KLF8: variants seen among roughly 807,000 people sequenced by gnomAD.
KLF8 encodes KLF transcription factor 8.
In KLF8, 10 loss-of-function variants were observed where a neutral mutation model predicts 18.2. That is an observed-to-expected ratio of 0.55 (90% CI 0.34 to 0.93). KLF8 has a LOEUF of 0.93. Ranked by LOEUF, KLF8 falls within the 40% of genes least tolerant of loss-of-function variation. The probability of loss-of-function intolerance (pLI) is 0.02; values close to 1 mark genes in which losing one functional copy is unlikely to be tolerated. For missense variants in KLF8, 264 were observed against 277.9 expected (o/e 0.95, Z 0.36); for synonymous variants, 109 against 97.3 (o/e 1.12, Z -0.71).
chrX:56,095,226 A>G, the KLF8 span, among the ~76,000 whole-genome samples: 1 of 112,345 alleles, frequency 8.9e-6, no homozygotes. Context: ...TGGGGAATGT[A>G]CACCCTATTC....
chrX:55,933,541 T>C, the KLF8 span, among the ~76,000 whole-genome samples: 1 of 112,549 alleles, frequency 8.9e-6, no homozygotes, highest in Non-Finnish European at 1.9e-5. Flanking sequence ...TCATGATCCA[T>C]TGACCTTATA....
At chrX:56,156,935 G>A in the KLF8 span, among the ~76,000 whole-genome samples, 1 of 109,429 alleles carries the variant, frequency 9.1e-6, no homozygotes, top group Non-Finnish European at 1.9e-5. Flanking sequence ...ACATGCTCAT[G>A]TATGTTTATT....
chrX:56,034,748 CTTTTTTTTTTTTTTTT>C, the KLF8 span, among the ~76,000 whole-genome samples: 3 of 53,819 alleles, frequency 5.6e-5, no homozygotes, highest in Non-Finnish European at 9.3e-5. Context: ...GAACTTATTT[CTTTTTTTTTTTTTTTT>C]TTTTTTTTTG....
chrX:56,064,633 TGTAGTG>T, the KLF8 span, among the ~76,000 whole-genome samples: 19 of 111,858 alleles, frequency 1.7e-4, no homozygotes, highest in Admixed American at 1.7e-3. Context: ...GGTGATTTTC[TGTAGTG>T]GTACCATTTC....
At chrX:56,063,026 A>G in the KLF8 span, among the ~76,000 whole-genome samples, 2 of 110,913 alleles carry the variant, frequency 1.8e-5, no homozygotes, top group African/African-American at 3.3e-5. Context: ...GGTCAGTTAT[A>G]TTCTTCTCTA....
the KLF8 span, among the ~76,000 whole-genome samples, chrX:55,977,087 T>G: frequency 8.9e-6 from 1 of 112,299 alleles, no homozygotes; most frequent in East Asian, 2.8e-4. Context: ...CTTTTTACTT[T>G]ATGATTTTGA....
At chrX:55,929,994 T>C in the KLF8 span, among the ~76,000 whole-genome samples, 9,419 of 110,582 alleles carry the variant, frequency 0.085, 990 homozygotes, top group African/African-American at 0.3. Context: ...TTTCACGATA[T>C]TGATTCTTCC....
the KLF8 span, among the ~76,000 whole-genome samples, chrX:55,952,195 G>T: frequency 8.9e-5 from 10 of 112,244 alleles, no homozygotes; most frequent in South Asian, 3.7e-3. Flanking sequence ...GTGAGGAGGT[G>T]ACTGGAGACC....
the KLF8 span, among the ~76,000 whole-genome samples, chrX:56,123,239 T>G: frequency 1.7e-4 from 11 of 63,478 alleles, no homozygotes; most frequent in Admixed American, 1.7e-3. Flanking sequence ...TTTACAAAAA[T>G]AAAAAAAGAA....
At chrX:56,114,635 A>G in the KLF8 span, among the ~76,000 whole-genome samples, 1 of 112,687 alleles carries the variant, frequency 8.9e-6, no homozygotes, top group Non-Finnish European at 1.9e-5. Context: ...AGTTTTTTAT[A>G]TTGAATGCCT....
chrX:56,058,789 G>A, the KLF8 span, among the ~76,000 whole-genome samples: 1 of 111,271 alleles, frequency 9.0e-6, no homozygotes, highest in East Asian at 2.8e-4. Context: ...CTTTGCTATT[G>A]TGAATACTGC....
the KLF8 span, among the ~76,000 whole-genome samples, chrX:56,162,704 C>T: frequency 1.8e-5 from 2 of 111,541 alleles, no homozygotes; most frequent in Admixed American, 1.9e-4. Flanking sequence ...ATTCCCTGAC[C>T]CCTTGCACTT....
At chrX:56,169,293 CTT>C in the KLF8 span, among the ~76,000 whole-genome samples, 1 of 111,547 alleles carries the variant, frequency 9.0e-6, no homozygotes, top group Non-Finnish European at 1.9e-5. Context: ...GGAAGACACT[CTT>C]TTTGCTTGAT....
chrX:55,989,839 C>G, the KLF8 span, among the ~76,000 whole-genome samples: 4 of 111,057 alleles, frequency 3.6e-5, no homozygotes, highest in African/African-American at 9.9e-5. Context: ...GTCCTGGACT[C>G]TTTTTGGTTG....
chrX:55,987,110 G>A, the KLF8 span, among the ~76,000 whole-genome samples: 8 of 110,388 alleles, frequency 7.2e-5, no homozygotes, highest in African/African-American at 2.6e-4. Flanking sequence ...ATGGTAGAAT[G>A]ATTTCTATTC....
the KLF8 span, among the ~76,000 whole-genome samples, chrX:56,214,186 G>T: frequency 9.0e-6 from 1 of 110,729 alleles, no homozygotes; most frequent in Non-Finnish European, 1.9e-5. Context: ...GGTGAGGGGG[G>T]CCAGATGTGG....
chrX:56,010,745 C>T, the KLF8 span, among the ~76,000 whole-genome samples: 50 of 111,475 alleles, frequency 4.5e-4, no homozygotes, highest in Non-Finnish European at 1.9e-4. Context: ...TGCATAGGCT[C>T]AAAATAAAGG....
the KLF8 span, among the ~76,000 whole-genome samples, chrX:55,940,827 G>T: frequency 9.0e-6 from 1 of 111,358 alleles, no homozygotes; most frequent in Admixed American, 9.6e-5. Flanking sequence ...GGGATGTGAA[G>T]GACCTCTTCA....
At chrX:56,130,230 C>T in the KLF8 span, among the ~76,000 whole-genome samples, 4 of 111,334 alleles carry the variant, frequency 3.6e-5, no homozygotes, top group African/African-American at 9.8e-5. Context: ...CAAGCAACTG[C>T]GACTAAGGGC....
Sources: allele counts gnomAD v4.1 joint callset (sites outside exome capture counted in the v4.1 genomes callset), GRCh38; gene constraint gnomAD v4.1.1; transcripts MANE v1.5; gene names NCBI Gene and HGNC (gene_info 2026-07-23, HGNC 2026-07-21).